MYPN: variants seen among roughly 807,000 people sequenced by gnomAD.
The protein encoded by MYPN is sarcomeric protein myopalladin, 145 kDa (MYOP).
MYPN carries 63 observed loss-of-function variants against 129.4 expected under a neutral mutation model. The observed-to-expected ratio is 0.49, with a 90% CI of 0.40 to 0.60. The LOEUF (loss-of-function observed/expected upper bound fraction) is 0.60. Among genes scored for constraint, MYPN ranks in the 20% least tolerant of loss-of-function variants. The pLI is 0.00. For missense variants in MYPN, 1,596 were observed against 1,635.4 expected, an observed-to-expected ratio of 0.98 and a Z score of 0.42; for synonymous variants, 629 against 600.9, an observed-to-expected ratio of 1.05 and a Z score of -0.68.
chr10:68,100,114 G>T lies in MYPN; in HGVS notation c.-2+12122G>T, dbSNP rs772690659. ...AAGTCTTTTTCAGATCCTTGAATTT[G>T]CAAAAACCACAGTAGCATATAATTT... On this transcript the variant is annotated intron_variant, in intron 1 of 6. Coordinates refer to the MYPN transcript ENST00000685154. 1.3e-5 allele frequency among the ~76,000 whole-genome samples: 2 copies of T among 152,082 alleles called. 1 individual carries two copies. The highest frequency in any genetic ancestry group is 1.3e-4 in the Admixed American group (2 of 15,264).
At position 68,145,072 on chromosome 10, in the gene MYPN, T is replaced by C. The variant is rs149750693; in HGVS notation, c.1079-403T>C. Among the ~76,000 whole-genome samples the C allele has an allele frequency of 4.0e-3, 611 of 151,982 alleles. 2 individuals carry two copies. The highest frequency in any genetic ancestry group is 0.014 in the African/African-American group (590 of 41,414). ...GGAGTTTTGCTTTTGTTGCCCAGGC[T>C]GGAGTGCAATGGCGTGATCTCGGCT... On this transcript the variant is annotated intron_variant, in intron 3 of 19. Transcript: ENST00000358913.
At chr10:68,127,327 T>TG (rs1201903261) in intron 2 of MYPN, among the ~76,000 whole-genome samples, 2 of 129,808 alleles carry the variant, frequency 1.5e-5, no homozygotes, top group Non-Finnish European at 3.3e-5. Flanking sequence ...ATCTTTTTTT[T>TG]TTTTTTTTTT....
At chr10:68,200,326 G>A (rs2043688398) in intron 17 of MYPN, among the ~76,000 whole-genome samples, 1 of 152,196 alleles carries the variant, frequency 6.6e-6, no homozygotes, top group Non-Finnish European at 1.5e-5. Context: ...ATTCTTAGAT[G>A]ATGTGAATGA....
At chr10:68,170,383 GTA>G (rs2043126531) in intron 10 of MYPN, among the ~76,000 whole-genome samples, 1 of 151,950 alleles carries the variant, frequency 6.6e-6, no homozygotes, top group Non-Finnish European at 1.5e-5. Context: ...TTGTATATAT[GTA>G]TATGTTTACA....
chr10:68,108,390 C>T (rs149644298), upstream of MYPN, among the ~76,000 whole-genome samples: 53 of 152,240 alleles, frequency 3.5e-4, no homozygotes, highest in Middle Eastern at 3.4e-3. Flanking sequence ...GTAAATTCCA[C>T]GAGGTCAGAA....
intron 1 of MYPN, among the ~76,000 whole-genome samples, chr10:68,111,937 G>C (rs1215895751): frequency 2.0e-5 from 3 of 152,192 alleles, no homozygotes; most frequent in Non-Finnish European, 4.4e-5. Context: ...AGGGAAGTTA[G>C]CTTTTTTCAA....
chr10:68,104,958 A>G (rs991055618), upstream of MYPN, among the ~76,000 whole-genome samples: 5 of 151,822 alleles, frequency 3.3e-5, no homozygotes, highest in African/African-American at 1.2e-4. Context: ...TAATTTTTGT[A>G]TTTTTAATAG....
chr10:68,172,581 C>T (rs2043159713), intron 10 of MYPN, among the ~76,000 whole-genome samples: 1 of 152,022 alleles, frequency 6.6e-6, no homozygotes, highest in Non-Finnish European at 1.5e-5. Context: ...TTCAATAGAC[C>T]ATTGAATTCA....
At chr10:68,202,747 A>G (rs1186237356) in intron 18 of MYPN, among the ~76,000 whole-genome samples, 1 of 151,274 alleles carries the variant, frequency 6.6e-6, no homozygotes, top group African/African-American at 2.4e-5. Context: ...CTTCTGTACA[A>G]AACTTTCTAC....
At chr10:68,184,080 G>C (rs2043382076) in intron 12 of MYPN, among the ~76,000 whole-genome samples, 1 of 152,076 alleles carries the variant, frequency 6.6e-6, no homozygotes, top group Non-Finnish European at 1.5e-5. Context: ...TGGCTCCTTG[G>C]TTACTCCCTT....
intron 10 of MYPN, among the ~76,000 whole-genome samples, chr10:68,173,354 T>C (rs1472416893): frequency 6.6e-6 from 1 of 152,206 alleles, no homozygotes; most frequent in Non-Finnish European, 1.5e-5. Flanking sequence ...TGGGATACTT[T>C]CCTCTGGTCA....
At chr10:68,146,837 C>T (rs891320498) in intron 4 of MYPN, among the ~76,000 whole-genome samples, 17 of 152,188 alleles carry the variant, frequency 1.1e-4, no homozygotes, top group African/African-American at 4.1e-4. Context: ...CACCTAGCTG[C>T]AGTGAATTTT....
chr10:68,132,252 A>G (rs899637209), intron 2 of MYPN, among the ~76,000 whole-genome samples: 1 of 152,086 alleles, frequency 6.6e-6, no homozygotes. Flanking sequence ...TGAGCTTATC[A>G]TGTGTTTTTC....
intron 1 of MYPN, among the ~76,000 whole-genome samples, chr10:68,096,572 C>T (rs2041957746): frequency 6.6e-6 from 1 of 152,100 alleles, no homozygotes; most frequent in African/African-American, 2.4e-5. Context: ...TATTCAAGCA[C>T]AGTATTATTA....
Position 68,174,201 on chromosome 10 carries a change from G to A in MYPN, c.2109G>A (p.Val703=). The A allele has an allele frequency of 6.2e-7, 1 of 1,614,018 alleles. No homozygotes were observed. Among genetic ancestry groups the A allele is most frequent in the South Asian group, 1.1e-5 (1 of 91,074 alleles). Residue 703 remains valine, a synonymous_variant, in exon 11 of 20, where the codon GTG becomes GTA. Transcript: ENST00000358913. ...TGAACTCCAATGCTCCCCCAGCGGT[G>A]ACAACATCCAGTAAGCAGGTGAAGG... ...TVLNSNAPPA[V]TTSSKQVKAP...
chr10:68,153,088 C>T (rs1384264917), intron 6 of MYPN, among the ~76,000 whole-genome samples: 2 of 151,830 alleles, frequency 1.3e-5, no homozygotes, highest in Non-Finnish European at 2.9e-5. Flanking sequence ...TGGGTTCAAG[C>T]GATTCTCATG....
At chr10:68,152,231 A>C (rs759995611) in intron 6 of MYPN, among the ~76,000 whole-genome samples, 1 of 152,162 alleles carries the variant, frequency 6.6e-6, no homozygotes, top group Non-Finnish European at 1.5e-5. Flanking sequence ...ATAGATTATA[A>C]ATGTTTTTTA....
At chr10:68,092,203 G>T (rs2041934231) in intron 1 of MYPN, among the ~76,000 whole-genome samples, 1 of 152,114 alleles carries the variant, frequency 6.6e-6, no homozygotes, top group African/African-American at 2.4e-5. Context: ...AGAAATGTAT[G>T]TTGTTGGCCG....
Position 68,201,970 on chromosome 10 carries a change from TC to T in MYPN, c.3638del (p.Pro1213LeufsTer102). ...VFYWKKDNET[I>X]PCTRERISMH... is the part of the protein sequence containing the mutation. The stretch of plus-strand genomic sequence containing the variant: ...TACTGGAAGAAAGACAATGAGACCA[TC>T]CCTTGCACCAGAGAGAGGATCAGGT... On this transcript the variant is annotated frameshift_variant, in exon 18 of 20. Coordinates refer to ENST00000358913, the MANE Select transcript of MYPN (RefSeq NM_032578.4). LOFTEE classifies it high-confidence loss of function. The T allele has an allele frequency of 6.2e-7, 1 of 1,613,842 alleles. No homozygotes were observed. The highest frequency in any genetic ancestry group is 8.5e-7 in the Non-Finnish European group (1 of 1,179,906).
Sources: allele counts gnomAD v4.1 joint callset (sites outside exome capture counted in the v4.1 genomes callset), GRCh38; gene constraint gnomAD v4.1.1; transcripts MANE v1.5; gene names NCBI Gene and HGNC (gene_info 2026-07-23, HGNC 2026-07-21).